The following DPYSL5 variants were observed in gnomAD, a reference collection of about 807,000 sequenced individuals.
The protein encoded by DPYSL5 is dihydropyrimidinase-related protein 5.
DPYSL5 carries 9 observed loss-of-function variants against 58.4 expected under a neutral mutation model. That is an observed-to-expected ratio of 0.15 (90% confidence interval 0.09 to 0.27). The LOEUF is 0.27. Ranked by LOEUF, DPYSL5 falls within the 10% of genes least tolerant of loss-of-function variation. The pLI is 1.00. For synonymous variants in DPYSL5, 293 were observed against 301.9 expected (o/e 0.97, Z 0.31); for missense variants, 499 against 770.6 (o/e 0.65, Z 4.17).
At position 26,898,735 on chromosome 2, in the gene DPYSL5, T is replaced by G; in HGVS notation, c.236T>G (p.Val79Gly). 1 of 1,611,952 alleles carries G rather than the reference T, an allele frequency of 6.2e-7. No homozygotes were observed. The highest frequency in any genetic ancestry group is 8.5e-7 in the Non-Finnish European group (1 of 1,178,282). ...FHQTFMNATC[V>G]DDFYHGTKAA... Reference sequence around the variant, plus strand: ...CAGACCTTCATGAATGCCACGTGCGTGGACGACTTCTACCATGGGACCAAG... The same window carrying G: ...CAGACCTTCATGAATGCCACGTGCGGGGACGACTTCTACCATGGGACCAAG... The change falls in exon 2 of 13, where the codon GTG becomes GGG. Residue 79 changes from valine to glycine, a missense_variant. Val to Gly is a moderately radical substitution (Grantham distance 109). Around this residue, in one of 3 missense-constraint regions of DPYSL5, gnomAD observed 404 missense variants for 647.6 expected, o/e 0.62. Coordinates refer to ENST00000288699, the MANE Select transcript of DPYSL5 (RefSeq NM_020134.4). This position sits in a 1 kb window ranked among gnomAD's most constrained non-coding sequence, Gnocchi z 6.1.
chr2:26,932,353 C>T (rs911967693), intron 6 of DPYSL5, among the ~76,000 whole-genome samples: 8 of 152,190 alleles, frequency 5.3e-5, no homozygotes, highest in Non-Finnish European at 1.0e-4. Flanking sequence ...TTGCATTCAC[C>T]CTTCTCACCA....
At position 26,944,886 on chromosome 2, in the gene DPYSL5, G is replaced by A; in HGVS notation, c.1609+62G>A. Reference sequence around the variant, plus strand: ...CTGGGAGAAGTGGCCCACCTAGGCAGTGGGACTTACGCCTGCTTTTCTTTT... The same window carrying A: ...CTGGGAGAAGTGGCCCACCTAGGCAATGGGACTTACGCCTGCTTTTCTTTT... On this transcript the variant is annotated intron_variant, in intron 12 of 12. Coordinates refer to ENST00000288699, the MANE Select transcript of DPYSL5 (RefSeq NM_020134.4). The surrounding 1 kb of genome is among the most constrained non-coding windows in gnomAD (Gnocchi z 4.4). 1.3e-6 allele frequency: 2 copies of A among 1,528,596 alleles called. No individual in the cohort carries two copies. The highest frequency in any genetic ancestry group is 1.8e-6 in the Non-Finnish European group (2 of 1,115,454). 94.7% of individuals were successfully genotyped at this position (1,528,596 alleles called of 1,614,324 possible).
chr2:26,874,006 A>T (rs1663339112), intron 1 of DPYSL5, among the ~76,000 whole-genome samples: 1 of 152,172 alleles, frequency 6.6e-6, no homozygotes, highest in Non-Finnish European at 1.5e-5. Context: ...TTCCCTGATA[A>T]CCAATTATGT....
chr2:26,915,275 C>T (rs187980405), intron 2 of DPYSL5, among the ~76,000 whole-genome samples: 91 of 152,336 alleles, frequency 6.0e-4, no homozygotes, highest in Middle Eastern at 3.4e-3. Context: ...GCCAGGCCTA[C>T]TTACTAAAGA....
At chr2:26,946,767 T>A in intron 12 of DPYSL5, 143 bp from the exon 13 acceptor site, 1 of 568,446 alleles carries the variant, frequency 1.8e-6, no homozygotes, top group East Asian at 3.1e-5. Context: ...CCTGAGCCTC[T>A]GTCTCCTCAT....
chr2:26,881,114 C>A lies in DPYSL5; in HGVS notation c.-4-17382C>A, dbSNP rs187689095. ...GGAAAACGGGCCTGGGAGGACGTGC[C>A]CATAGTCGCATGGCACAGCCAAGGT... On this transcript the variant is annotated intron_variant, in intron 1 of 12. Coordinates refer to ENST00000288699, the MANE Select transcript of DPYSL5 (RefSeq NM_020134.4). 1.3e-3 allele frequency among the ~76,000 whole-genome samples: 192 copies of A among 152,264 alleles called. 4 individuals carry two copies. The highest frequency in any genetic ancestry group is 4.5e-3 in the African/African-American group (187 of 41,550).
intron 1 of DPYSL5, among the ~76,000 whole-genome samples, chr2:26,866,469 A>AACACACAC (rs57210677): frequency 6.7e-6 from 1 of 148,554 alleles, no homozygotes; most frequent in Non-Finnish European, 1.5e-5. Context: ...TCATTATGCA[A>AACACACAC]ACACACACAC....
intron 1 of DPYSL5, among the ~76,000 whole-genome samples, chr2:26,892,140 C>T (rs1297621036): frequency 2.0e-5 from 3 of 152,312 alleles, no homozygotes; most frequent in Middle Eastern, 6.8e-3. Flanking sequence ...TGAAGCCCAT[C>T]CCTCCCCCTG....
At chr2:26,875,954 G>C (rs1039860119) in intron 1 of DPYSL5, among the ~76,000 whole-genome samples, 1 of 152,140 alleles carries the variant, frequency 6.6e-6, no homozygotes, top group African/African-American at 2.4e-5. Flanking sequence ...AGATGTAGAC[G>C]TATTCATCTC....
At chr2:26,891,015 A>T (rs1663867409) in intron 1 of DPYSL5, among the ~76,000 whole-genome samples, 1 of 152,202 alleles carries the variant, frequency 6.6e-6, no homozygotes, top group South Asian at 2.1e-4. Flanking sequence ...GCTTCAGCAT[A>T]TGAATTAGAG....
chr2:26,881,072 C>T (rs1368968647), intron 1 of DPYSL5, among the ~76,000 whole-genome samples: 1 of 152,166 alleles, frequency 6.6e-6, no homozygotes, highest in African/African-American at 2.4e-5. Context: ...ATGGTGTTGA[C>T]ACCTACTTGA....
chr2:26,872,423 G>C (rs113563949), intron 1 of DPYSL5, among the ~76,000 whole-genome samples: 1,860 of 152,306 alleles, frequency 0.012, 44 homozygotes, highest in African/African-American at 0.042. Context: ...CAGGCGCGGT[G>C]GCTCACGCCT....
intron 1 of DPYSL5, among the ~76,000 whole-genome samples, chr2:26,868,270 CTT>C (rs1411845298): frequency 6.6e-6 from 1 of 152,102 alleles, no homozygotes; most frequent in East Asian, 1.9e-4. Context: ...TTCTCAGACT[CTT>C]TATCATTTAT....
rs1179704577 is a variant in DPYSL5, at chr2:26,925,095, C to T, written c.420+50C>T. 6.3e-7 allele frequency: 1 copy of T among 1,594,016 alleles called. No homozygotes were observed. The highest frequency in any genetic ancestry group is 8.6e-7 in the Non-Finnish European group (1 of 1,167,962). ...AAGAAGGCACAAGTGGTCTTGTAGG[C>T]AGAGGGGCTGGTTGGGGTGCAGTGC... On this transcript the variant is annotated intron_variant, in intron 3 of 12. Transcript: ENST00000288699. The surrounding 1 kb of genome is among the most constrained non-coding windows in gnomAD (Gnocchi z 4.5).
intron 1 of DPYSL5, among the ~76,000 whole-genome samples, chr2:26,857,272 C>T (rs562476569): frequency 2.0e-5 from 3 of 152,232 alleles, no homozygotes; most frequent in African/African-American, 4.8e-5. Flanking sequence ...CGTGGTGGCT[C>T]ACGCCTGTAA....
At chr2:26,897,912 C>T (rs1425348994) in intron 1 of DPYSL5, among the ~76,000 whole-genome samples, 2 of 152,086 alleles carry the variant, frequency 1.3e-5, no homozygotes, top group African/African-American at 4.8e-5. Flanking sequence ...TTGTGGACTT[C>T]TTGAAGCCAA....
intron 1 of DPYSL5, among the ~76,000 whole-genome samples, chr2:26,854,745 A>G (rs558199761): frequency 3.9e-5 from 6 of 152,222 alleles, no homozygotes; most frequent in African/African-American, 1.2e-4. Flanking sequence ...GTTTTAGGTG[A>G]TATTTTACAG....
chr2:26,889,584 T>C (rs565121850), intron 1 of DPYSL5, among the ~76,000 whole-genome samples: 2 of 152,050 alleles, frequency 1.3e-5, no homozygotes, highest in South Asian at 4.1e-4. Context: ...GAGCTTATAC[T>C]TCTTTCTGAC....
At chr2:26,906,329 G>A (rs988846379) in intron 2 of DPYSL5, among the ~76,000 whole-genome samples, 6 of 151,540 alleles carry the variant, frequency 4.0e-5, no homozygotes, top group Middle Eastern at 3.4e-3. Context: ...GAGTACAGGC[G>A]CCTGCCACCA....
Sources: allele counts gnomAD v4.1 joint callset (sites outside exome capture counted in the v4.1 genomes callset), GRCh38; gene constraint gnomAD v4.1.1; regional missense constraint gnomAD v4.1.1; non-coding constraint Gnocchi (gnomAD v3.1); transcripts MANE v1.5; gene names NCBI Gene and HGNC (gene_info 2026-07-23, HGNC 2026-07-21).